The following SERPINB12 variants were observed in gnomAD, a reference collection of about 807,000 sequenced individuals.
SERPINB12 encodes serpin B12.
Under a neutral mutation model 41.1 loss-of-function variants are expected in SERPINB12, and 57 were observed. That is an observed-to-expected ratio of 1.39 (90% CI 1.12 to 1.73). SERPINB12 has a LOEUF of 1.73. Among genes scored for constraint, SERPINB12 ranks in the 40% most tolerant of loss-of-function variants. SERPINB12 has a pLI of 0.00. For synonymous variants in SERPINB12, 180 were observed against 181.3 expected (o/e 0.99, Z 0.06); for missense variants, 536 against 501.9 (o/e 1.07, Z -0.65).
intron 1 of SERPINB12, among the ~76,000 whole-genome samples, chr18:63,551,408 C>T (rs1044413764): frequency 1.1e-4 from 16 of 152,076 alleles, no homozygotes; most frequent in Admixed American, 9.2e-4. Context: ...TCACTGCAAC[C>T]TCTGCCTCCC....
intron 1 of SERPINB12, among the ~76,000 whole-genome samples, chr18:63,552,330 G>A (rs969843752): frequency 6.6e-6 from 1 of 151,936 alleles, no homozygotes; most frequent in African/African-American, 2.4e-5. Flanking sequence ...GGTTTCAAAG[G>A]GATTTTTGAT....
At chr18:63,540,337 C>A (rs1910248272), upstream of SERPINB12, among the ~76,000 whole-genome samples, 2 of 152,084 alleles carry the variant, frequency 1.3e-5, no homozygotes, top group South Asian at 4.1e-4. Context: ...TACAATTCAA[C>A]ACGATGCATT....
upstream of SERPINB12, among the ~76,000 whole-genome samples, chr18:63,538,386 T>C (rs2144540854): frequency 6.6e-6 from 1 of 152,252 alleles, no homozygotes; most frequent in African/African-American, 2.4e-5. Flanking sequence ...AATAATCTAC[T>C]TTCTCTCTTT....
intron 6 of SERPINB12, 101 bp from the exon 7 acceptor site, chr18:63,565,344 C>G: frequency 9.0e-7 from 1 of 1,109,142 alleles, no homozygotes; most frequent in African/African-American, 1.6e-5. Flanking sequence ...CCTGCAGAAC[C>G]TTCTCATCTT....
the SERPINB12 span, among the ~76,000 whole-genome samples, chr18:63,526,474 C>T: frequency 6.6e-6 from 1 of 152,074 alleles, no homozygotes; most frequent in Non-Finnish European, 1.5e-5. Flanking sequence ...TGCCCATCTT[C>T]CCTAGCTTTC....
the SERPINB12 span, among the ~76,000 whole-genome samples, chr18:63,532,471 T>G: frequency 6.6e-6 from 1 of 152,038 alleles, no homozygotes; most frequent in Admixed American, 6.6e-5. Context: ...TGTTGGGGGT[T>G]TGGGGTACAG....
At chr18:63,541,344 G>C (rs1451315225), upstream of SERPINB12, among the ~76,000 whole-genome samples, 2 of 152,132 alleles carry the variant, frequency 1.3e-5, no homozygotes, top group Admixed American at 1.3e-4. Context: ...GACAGTGTGT[G>C]CTCCCCAAGT....
Position 63,556,144 on chromosome 18 carries a change from C to G in SERPINB12, c.-16C>G, listed in dbSNP as rs764684991. On this transcript the variant is annotated splice_region_variant and 5_prime_UTR_variant, in exon 2 of 8. It adds an upstream start codon to the 5' untranslated region. Coordinates refer to ENST00000382768, the MANE Select transcript of SERPINB12 (RefSeq NM_001307928.2). ...TTCTCCTTTTTTTTTGGTTTTAGAT[C>G]GTTATAAGTTTTACAATGGACTCTC... 11 of 1,593,300 alleles carry G rather than the reference C, an allele frequency of 6.9e-6. No individual in the cohort carries two copies. The highest frequency in any genetic ancestry group is 1.8e-5 in the Admixed American group (1 of 57,096).
At position 63,561,117 on chromosome 18, in the gene SERPINB12, CACG is replaced by C; in HGVS notation, c.482_484del (p.Thr161del). 1 of 1,612,368 alleles carries C rather than the reference CACG, an allele frequency of 6.2e-7. No individual in the cohort carries two copies. The highest frequency in any genetic ancestry group is 8.5e-7 in the Non-Finnish European group (1 of 1,178,514). ...TAGATGGTGTGATTCAATTTTACCA[CACG>C]ACGATTGAAAGTGTTGATTTCCAAA... On this transcript the variant is annotated inframe_deletion, in exon 5 of 8. Transcript: ENST00000382768.
chr18:63,527,412 G>A, the SERPINB12 span, among the ~76,000 whole-genome samples: 12 of 152,096 alleles, frequency 7.9e-5, no homozygotes, highest in Non-Finnish European at 1.0e-4. Flanking sequence ...TACTCTAAGT[G>A]ATTATTAGAC....
At chr18:63,548,193 A>G (rs1599414322) in intron 1 of SERPINB12, among the ~76,000 whole-genome samples, 1 of 152,106 alleles carries the variant, frequency 6.6e-6, no homozygotes, top group South Asian at 2.1e-4. Flanking sequence ...TTACGTGTGT[A>G]ACAAAGCCAG....
At chr18:63,564,346 T>A (rs946668764) in intron 6 of SERPINB12, among the ~76,000 whole-genome samples, 1 of 152,238 alleles carries the variant, frequency 6.6e-6, no homozygotes, top group Non-Finnish European at 1.5e-5. Context: ...AAGAGCATTA[T>A]GAGATGGGTG....
At chr18:63,559,165 C>T (rs371294067) in intron 3 of SERPINB12, among the ~76,000 whole-genome samples, 19 of 151,154 alleles carry the variant, frequency 1.3e-4, no homozygotes, top group Admixed American at 2.6e-4. Context: ...AGTGCAGTGG[C>T]GCAATCTCAG....
Position 63,556,236 on chromosome 18 carries a change from A to C in SERPINB12, c.77A>C (p.Lys26Thr), listed in dbSNP as rs907041465. 2 of 1,613,948 alleles carry C rather than the reference A, an allele frequency of 1.2e-6. No homozygotes were observed. Among genetic ancestry groups the C allele is most frequent in the African/African-American group, 2.7e-5 (2 of 74,898 alleles). ...GAGATAGGCAAAGATGATCGTCATA[A>C]AAACATATTTTTCTCTCCCCTGAGC... is the stretch of plus-strand genomic sequence containing the variant. ...FQEIGKDDRH[K>T]NIFFSPLSLS... Residue 26 changes from lysine (K) to threonine (T), a missense_variant, in exon 2 of 8, where the codon AAA becomes ACA. Physicochemically the swap from Lys to Thr is moderately conservative, Grantham distance 78. Transcript: ENST00000382768.
Position 63,556,283 on chromosome 18 carries a change from G to A in SERPINB12, c.124G>A (p.Val42Ile). The A allele has an allele frequency of 6.2e-7, 1 of 1,614,088 alleles. No individual in the cohort carries two copies. The highest frequency in any genetic ancestry group is 8.5e-7 in the Non-Finnish European group (1 of 1,179,966). Reference protein sequence around the residue: ...PLSLSAALGMVRLGARSDSAH... With the variant: ...PLSLSAALGMIRLGARSDSAH... ...GAGCCTCTCAGCTGCCCTTGGTATGGTACGCTTGGGTGCTAGAAGTGACAG... is the reference window on the plus strand; with the variant it reads ...GAGCCTCTCAGCTGCCCTTGGTATGATACGCTTGGGTGCTAGAAGTGACAG... Residue 42 changes from valine (V) to isoleucine (I), a missense_variant, in exon 2 of 8, where the codon GTA becomes ATA. By Grantham distance (29) the Val-to-Ile change is conservative. Coordinates refer to ENST00000382768, the MANE Select transcript of SERPINB12 (RefSeq NM_001307928.2).
At chr18:63,557,195 G>A (rs749200378) in intron 2 of SERPINB12, among the ~76,000 whole-genome samples, 64 of 152,092 alleles carry the variant, frequency 4.2e-4, no homozygotes, top group Non-Finnish European at 8.4e-4. Context: ...CCTATCTTGG[G>A]GCCTTTGCTC....
At chr18:63,559,794 C>T in intron 4 of SERPINB12, 76 bp downstream of exon 4, 1 of 1,475,606 alleles carries the variant, frequency 6.8e-7, no homozygotes, top group Non-Finnish European at 9.3e-7. Context: ...CTGGGTTACT[C>T]ACCTGCCATC....
intron 3 of SERPINB12, 43 bp downstream of exon 3, chr18:63,558,529 A>T (rs544135948): frequency 6.4e-7 from 1 of 1,569,904 alleles, no homozygotes; most frequent in Non-Finnish European, 8.6e-7. Flanking sequence ...CTTTTTTACA[A>T]ACTGCTTATT....
Position 63,567,914 on chromosome 18 carries a change from C to T in SERPINB12, c.*903C>T, listed in dbSNP as rs112121183. ...TGCCCCTCTCTCTGCCTTCTGGCCA[C>T]GTGGAGGCTGGCCTCTGTGTGCCCC... is the stretch of plus-strand genomic sequence containing the variant. On this transcript the variant is annotated 3_prime_UTR_variant, in exon 8 of 8. Transcript: ENST00000382768. Among the ~76,000 whole-genome samples the T allele has an allele frequency of 7.8e-3, 1,127 of 144,334 alleles. 14 individuals carry two copies. The highest frequency in any genetic ancestry group is 0.026 in the African/African-American group (1,052 of 40,970). 94.7% of individuals were successfully genotyped at this position (144,334 alleles called of 152,430 possible). A position where few individuals can be genotyped will look rare whatever the true frequency, so the allele number is the denominator to read the frequency against.
Sources: allele counts gnomAD v4.1 joint callset (sites outside exome capture counted in the v4.1 genomes callset), GRCh38; gene constraint gnomAD v4.1.1; transcripts MANE v1.5; gene names NCBI Gene and HGNC (gene_info 2026-07-23, HGNC 2026-07-21).